The following SMAD5 variants were observed in gnomAD, a reference collection of about 807,000 sequenced individuals.
SMAD5 encodes SMAD family member 5.
In SMAD5, 9 loss-of-function variants were observed where a neutral mutation model predicts 43.1. The ratio of observed to expected loss-of-function variants is 0.21; its 90% confidence interval spans 0.13 to 0.36. The LOEUF (loss-of-function observed/expected upper bound fraction) is 0.36, where lower values mean the gene tolerates loss of function less well. SMAD5 is among the 10% of genes least tolerant of loss of function. The pLI is 1.00. For missense variants in SMAD5, 348 were observed against 574.0 expected (o/e 0.61, Z 4.02); for synonymous variants, 190 against 192.4 (o/e 0.99, Z 0.10).
chr5:136,160,587 A>G (rs1580785132), intron 3 of SMAD5, among the ~76,000 whole-genome samples: 1 of 151,894 alleles, frequency 6.6e-6, no homozygotes, highest in Non-Finnish European at 1.5e-5. Flanking sequence ...GTTGTTTTTT[A>G]ATATCCTTTA....
At chr5:136,161,220 C>T (rs998729086) in intron 4 of SMAD5, 113 bp downstream of exon 4, 6 of 882,890 alleles carry the variant, frequency 6.8e-6, no homozygotes, top group Admixed American at 2.8e-5. Context: ...ATAGCTGTTT[C>T]TGACTCTTTA....
At chr5:136,166,316 A>G (rs1754011271) in intron 5 of SMAD5, among the ~76,000 whole-genome samples, 1 of 152,090 alleles carries the variant, frequency 6.6e-6, no homozygotes, top group African/African-American at 2.4e-5. Context: ...GTTTCTTAAA[A>G]CAATGTGTTT....
At chr5:136,142,455 T>C (rs114978062) in intron 1 of SMAD5, among the ~76,000 whole-genome samples, 1 of 152,278 alleles carries the variant, frequency 6.6e-6, no homozygotes, top group African/African-American at 2.4e-5. Context: ...CGTTCTGTGT[T>C]CAGTCAGTGG....
At chr5:136,176,490 C>CT (rs1554104672) in intron 7 of SMAD5, among the ~76,000 whole-genome samples, 2 of 138,586 alleles carry the variant, frequency 1.4e-5, no homozygotes, top group Admixed American at 1.4e-4. Context: ...AAAAGAAACT[C>CT]TGACATGTGA....
intron 5 of SMAD5, among the ~76,000 whole-genome samples, chr5:136,171,543 C>T (rs960542137): frequency 2.6e-5 from 4 of 152,208 alleles, no homozygotes; most frequent in African/African-American, 9.6e-5. Context: ...GCTAGGTTTT[C>T]AGCTTCCTTG....
intron 1 of SMAD5, among the ~76,000 whole-genome samples, chr5:136,144,607 A>G (rs1003837270): frequency 6.6e-6 from 1 of 150,504 alleles, no homozygotes; most frequent in African/African-American, 2.4e-5. Context: ...ATATATAAAT[A>G]TATCTTATTA....
chr5:136,174,313 A>C (rs1039967208), intron 6 of SMAD5, 63 bp from the exon 7 acceptor site: 9 of 1,495,876 alleles, frequency 6.0e-6, no homozygotes, highest in Non-Finnish European at 8.3e-6. Flanking sequence ...TGCACCATAC[A>C]GTCTATTTGG....
intron 2 of SMAD5, among the ~76,000 whole-genome samples, chr5:136,152,332 G>C (rs1189874479): frequency 6.6e-6 from 1 of 152,096 alleles, no homozygotes; most frequent in Non-Finnish European, 1.5e-5. Flanking sequence ...CAATACATGG[G>C]ATGTAACAAA....
chr5:136,162,271 A>G (rs1435812035), intron 4 of SMAD5, among the ~76,000 whole-genome samples: 1 of 152,210 alleles, frequency 6.6e-6, no homozygotes, highest in Non-Finnish European at 1.5e-5. Flanking sequence ...AGAAAACTCA[A>G]ACAAACATGG....
intron 6 of SMAD5, 88 bp from the exon 7 acceptor site, chr5:136,174,287 TA>T (rs1215387619): frequency 2.0e-4 from 244 of 1,245,910 alleles, no homozygotes; most frequent in Non-Finnish European, 2.1e-4. Context: ...TGCTGTGGAT[TA>T]ATGGGTACTT....
rs538194624 is a variant in SMAD5, at chr5:136,140,228, C to T, written c.-245+7266C>T. 3.3e-4 allele frequency among the ~76,000 whole-genome samples: 50 copies of T among 151,934 alleles called. No homozygotes were observed. The East Asian group carries it at 4.9e-3, about 15-fold the overall frequency. On this transcript the variant is annotated intron_variant, in intron 1 of 7. Coordinates refer to ENST00000545279, the MANE Select transcript of SMAD5 (RefSeq NM_005903.7). ...CGTAGAGACGGGGTTTCACCATGTTCGCCAGGCTGGTCTTGAACTCCTGAC... is the reference window on the plus strand; with the variant it reads ...CGTAGAGACGGGGTTTCACCATGTTTGCCAGGCTGGTCTTGAACTCCTGAC...
At chr5:136,143,592 C>T (rs914074783) in intron 1 of SMAD5, among the ~76,000 whole-genome samples, 3 of 151,924 alleles carry the variant, frequency 2.0e-5, no homozygotes, top group African/African-American at 4.8e-5. Context: ...CTCCCTTCCT[C>T]ATTTGGCTGA....
At chr5:136,167,804 A>G (rs552880295) in intron 5 of SMAD5, among the ~76,000 whole-genome samples, 1 of 151,980 alleles carries the variant, frequency 6.6e-6, no homozygotes, top group African/African-American at 2.4e-5. Flanking sequence ...AAGTTAACCA[A>G]TTATTTTAAA....
chr5:136,144,744 T>C, intron 1 of SMAD5, among the ~76,000 whole-genome samples: 1 of 151,812 alleles, frequency 6.6e-6, no homozygotes, highest in Admixed American at 6.6e-5. Context: ...TCTAGGGCAT[T>C]ATTTCACCTA....
rs568500962 is a variant in SMAD5 at position 136,143,734 on chromosome 5, T to C, written c.-244-4098T>C. On this transcript the variant is annotated intron_variant, in intron 1 of 7. Coordinates refer to ENST00000545279, the MANE Select transcript of SMAD5 (RefSeq NM_005903.7). ...TTTGTGCTTATATGACAAGCAGTTA[T>C]TCTTGCCTCATCCTTAAGCTCCTAT... Among the ~76,000 whole-genome samples, 25 of 152,136 alleles carry C rather than the reference T, an allele frequency of 1.6e-4. No homozygotes were observed. In the South Asian group the frequency reaches 5.2e-3, roughly 32 times the overall value.
chr5:136,134,955 G>A (rs1397202560), intron 1 of SMAD5: 1 of 152,202 alleles, frequency 6.6e-6, no homozygotes, highest in East Asian at 1.9e-4. Flanking sequence ...AGGTTTTAAA[G>A]GCATCCACAT....
At chr5:136,165,674 T>A (rs879840933) in intron 5 of SMAD5, among the ~76,000 whole-genome samples, 6,531 of 81,392 alleles carry the variant, frequency 0.08, 585 homozygotes, top group East Asian at 0.18. Flanking sequence ...TTTTTTTTTT[T>A]TTTTTTTTTT....
chr5:136,140,802 T>C (rs1252717268), intron 1 of SMAD5, among the ~76,000 whole-genome samples: 1 of 151,410 alleles, frequency 6.6e-6, no homozygotes, highest in Non-Finnish European at 1.5e-5. Context: ...GAATATAAGC[T>C]AAATGAAGAC....
At chr5:136,155,817 T>C (rs527361153) in intron 3 of SMAD5, among the ~76,000 whole-genome samples, 3 of 152,344 alleles carry the variant, frequency 2.0e-5, no homozygotes, top group African/African-American at 4.8e-5. Flanking sequence ...ATTTCATTCA[T>C]TACTCTATCC....
Sources: gnomAD v4.1 joint callset for allele counts (sites outside exome capture counted in the v4.1 genomes callset) on GRCh38, gnomAD v4.1.1 for gene constraint, MANE v1.5 for transcripts, NCBI Gene and HGNC (gene_info 2026-07-23, HGNC 2026-07-21) for gene names.